JCHAIN: variants seen among roughly 807,000 people sequenced by gnomAD.
The protein encoded by JCHAIN is joining chain of multimeric IgA and IgM.
A neutral mutation model predicts 11.1 loss-of-function variants in JCHAIN; 5 were observed. The ratio of observed to expected loss-of-function variants is 0.45; its 90% CI spans 0.24 to 0.95. The LOEUF is 0.95. Ranked by LOEUF, JCHAIN falls within the 40% of genes least tolerant of loss-of-function variation. The pLI is 0.21. For missense variants in JCHAIN, 165 were observed against 192.7 expected (o/e 0.86, Z 0.85); for synonymous variants, 51 against 67.8 (o/e 0.75, Z 1.22).
chr4:70,665,814 C>G (rs1483590935), intron 1 of JCHAIN: 1 of 230,210 alleles, frequency 4.3e-6, no homozygotes, highest in Non-Finnish European at 9.4e-6. Flanking sequence ...ACAATCCAGA[C>G]AAATTTTAGT....
chr4:70,662,409 C>T lies in JCHAIN; in HGVS notation c.65-194G>A, dbSNP rs148047428. Among the ~76,000 whole-genome samples the T allele has an allele frequency of 3.6e-3, 552 of 152,264 alleles. 3 individuals are homozygous for T. The highest frequency in any genetic ancestry group is 0.013 in the African/African-American group (522 of 41,560). On this transcript the variant is annotated intron_variant, in intron 1 of 3. Transcript: ENST00000254801. ...CCAAAGGTACTCTAAAAGGGATTTTCACTTTTTTCTTGAACCAGTCTATGG... is the reference window on the plus strand; with the variant it reads ...CCAAAGGTACTCTAAAAGGGATTTTTACTTTTTTCTTGAACCAGTCTATGG...
In JCHAIN at chr4:70,656,369, AC is replaced by A. The variant is rs1738950885; in HGVS notation, c.439del (p.Val147TrpfsTer5). On this transcript the variant is annotated frameshift_variant, in exon 4 of 4. Coordinates refer to ENST00000254801, the MANE Select transcript of JCHAIN (RefSeq NM_144646.4). LOFTEE classifies it high-confidence loss of function. ...GGCATCTGGGGTTAAGGCTGTTTCC[AC>A]CATTTTGGTCTCACCACCATATACG... ...PLVYGGETKMVETALTPDACY... is the reference protein window; with the variant it reads ...PLVYGGETKMXETALTPDACY... 1 of 1,613,940 alleles carries A rather than the reference AC, an allele frequency of 6.2e-7. No homozygotes were observed. Among genetic ancestry groups the A allele is most frequent in the Admixed American group, 1.7e-5 (1 of 60,000 alleles).
chr4:70,657,355 T>C (rs2148527454), intron 2 of JCHAIN, 64 bp from the exon 3 acceptor site: 2 of 977,576 alleles, frequency 2.0e-6, no homozygotes. Flanking sequence ...TTTTTGGTAA[T>C]GAGTATACGG....
chr4:70,661,444 T>C (rs893314351), intron 2 of JCHAIN, among the ~76,000 whole-genome samples: 2 of 152,234 alleles, frequency 1.3e-5, no homozygotes, highest in African/African-American at 2.4e-5. Flanking sequence ...TTTAGTGTTA[T>C]CTGAAGTTTC....
intron 2 of JCHAIN, among the ~76,000 whole-genome samples, chr4:70,657,933 T>C (rs1283011572): frequency 6.6e-6 from 1 of 152,118 alleles, no homozygotes; most frequent in Non-Finnish European, 1.5e-5. Context: ...CCATGAAAAA[T>C]TAGATGATTG....
In JCHAIN at chr4:70,656,529, A is replaced by G. The variant is rs772071970; in HGVS notation, c.280T>C (p.Cys94Arg). 2 of 1,612,210 alleles carry G rather than the reference A, an allele frequency of 1.2e-6. No homozygotes were observed. Among genetic ancestry groups the G allele is most frequent in the Non-Finnish European group, 1.7e-6 (2 of 1,179,220 alleles). The stretch of plus-strand genomic sequence containing the variant: ...TCCAGCTCCACTTCTGTAGGATCAC[A>G]TTTTTTACAGCTGAAAAGCAAATAT... Reference protein sequence around the residue: ...VYHLSDLCKKCDPTEVELDNQ... With the variant: ...VYHLSDLCKKRDPTEVELDNQ... The change falls in exon 4 of 4, where the codon TGT becomes CGT. Residue 94 changes from cysteine (C) to arginine (R), a missense_variant. By Grantham distance (180) the Cys-to-Arg change is radical. Transcript: ENST00000254801.
At chr4:70,660,910 T>C (rs1050276226) in intron 2 of JCHAIN, among the ~76,000 whole-genome samples, 3 of 152,170 alleles carry the variant, frequency 2.0e-5, no homozygotes, top group African/African-American at 7.2e-5. Context: ...CAGAAATATA[T>C]AAGCTCTAAA....
At chr4:70,657,949 G>A (rs148312959) in intron 2 of JCHAIN, among the ~76,000 whole-genome samples, 5 of 152,212 alleles carry the variant, frequency 3.3e-5, no homozygotes, top group South Asian at 4.1e-4. Context: ...GATTGTCAAC[G>A]AGTTCAGGTG....
intron 1 of JCHAIN, among the ~76,000 whole-genome samples, chr4:70,662,709 C>A (rs763988849): frequency 2.0e-5 from 3 of 151,930 alleles, no homozygotes; most frequent in Admixed American, 6.6e-5. Flanking sequence ...GCCTGTAATC[C>A]CAGGACTTTG....
At chr4:70,656,565 CA>C (rs775472343) in intron 3 of JCHAIN, 26 bp from the exon 4 acceptor site, 1 of 1,534,162 alleles carries the variant, frequency 6.5e-7, no homozygotes, top group South Asian at 1.1e-5. Flanking sequence ...ATGTATTAGA[CA>C]ATCCCCTCAA....
Position 70,656,283 on chromosome 4 carries a change from G to A in JCHAIN, c.*46C>T, listed in dbSNP as rs1738949596. On this transcript the variant is annotated 3_prime_UTR_variant, in exon 4 of 4. Coordinates refer to ENST00000254801, the MANE Select transcript of JCHAIN (RefSeq NM_144646.4). ...TATGCTAACTTTCTGAATCAAAATG[G>A]AGAGCCTCTCAAGAAAAAGAGCTAT... 1 of 1,292,418 alleles carries A rather than the reference G, an allele frequency of 7.7e-7. No individual in the cohort carries two copies. The allele number at this position is 1,292,418 out of a possible 1,614,324, so 80.1% of individuals were successfully genotyped here.
chr4:70,662,075 T>C lies in JCHAIN; in HGVS notation c.188+17A>G, dbSNP rs752572950. 1 of 1,612,154 alleles carries C rather than the reference T, an allele frequency of 6.2e-7. No individual in the cohort carries two copies. The highest frequency in any genetic ancestry group is 2.2e-5 in the East Asian group (1 of 44,830). ...CTGCTTAGAACAGGAAAAAAAGGAATATGGAATGCCACATACATAATTCGG... is the reference window on the plus strand; with the variant it reads ...CTGCTTAGAACAGGAAAAAAAGGAACATGGAATGCCACATACATAATTCGG... On this transcript the variant is annotated intron_variant, in intron 2 of 3. Coordinates refer to ENST00000254801, the MANE Select transcript of JCHAIN (RefSeq NM_144646.4).
chr4:70,657,179 T>C (rs779806926), intron 3 of JCHAIN, 32 bp downstream of exon 3: 1 of 1,178,516 alleles, frequency 8.5e-7, no homozygotes, highest in Non-Finnish European at 1.3e-6. Flanking sequence ...AACTTCCACA[T>C]CTATATTACT....
chr4:70,656,718 A>C (rs541915898), intron 3 of JCHAIN, among the ~76,000 whole-genome samples, 179 bp from the exon 4 acceptor site: 32 of 152,316 alleles, frequency 2.1e-4, no homozygotes, highest in African/African-American at 6.7e-4. Flanking sequence ...CCAATCTTTA[A>C]TATATATTAG....
rs1577977721 is a variant in JCHAIN at position 70,656,211 on chromosome 4, A to G, written c.*118T>C. ...GGTGGCAGGGAGTTGGTTTTACATC[A>G]CCCAAAAAAAAAAAAAAGCCCTGGT... is the stretch of plus-strand genomic sequence containing the variant. On this transcript the variant is annotated 3_prime_UTR_variant, in exon 4 of 4. Coordinates refer to ENST00000254801, the MANE Select transcript of JCHAIN (RefSeq NM_144646.4). The G allele has an allele frequency of 1.5e-6, 1 of 683,840 alleles. No homozygotes were observed. Among genetic ancestry groups the G allele is most frequent in the African/African-American group, 1.9e-5 (1 of 53,988 alleles). The allele number at this position is 683,840 out of a possible 1,614,324, so 42.4% of individuals were successfully genotyped here.
chr4:70,661,049 A>C (rs1024524663), intron 2 of JCHAIN, among the ~76,000 whole-genome samples: 4 of 152,218 alleles, frequency 2.6e-5, no homozygotes, highest in African/African-American at 9.6e-5. Context: ...ACAACTATTA[A>C]GTGTCCCAGA....
At chr4:70,666,324 C>A in intron 1 of JCHAIN, 103 bp downstream of exon 1, 1 of 723,438 alleles carries the variant, frequency 1.4e-6, no homozygotes, top group Non-Finnish European at 2.4e-6. Flanking sequence ...AAGTAGCTGG[C>A]TAACTGGCCA....
chr4:70,659,924 C>G (rs1739023910), intron 2 of JCHAIN, among the ~76,000 whole-genome samples: 1 of 151,994 alleles, frequency 6.6e-6, no homozygotes, highest in South Asian at 2.1e-4. Context: ...TGGCAATATA[C>G]TTTCAGAAAT....
chr4:70,660,589 G>A (rs1351645132), intron 2 of JCHAIN, among the ~76,000 whole-genome samples: 4 of 152,002 alleles, frequency 2.6e-5, no homozygotes, highest in Non-Finnish European at 4.4e-5. Context: ...TCACCATGTT[G>A]GCCAGGCTCG....
Sources: gnomAD v4.1 joint callset for allele counts (sites outside exome capture counted in the v4.1 genomes callset) on GRCh38, gnomAD v4.1.1 for gene constraint, MANE v1.5 for transcripts, NCBI Gene and HGNC (gene_info 2026-07-23, HGNC 2026-07-21) for gene names.